OAS2: variants seen among roughly 807,000 people sequenced by gnomAD.
The protein encoded by OAS2 is 2'-5'-oligoadenylate synthetase 2, also known as 2'-5'-oligoadenylate synthase 2.
In OAS2, 67 loss-of-function variants were observed where a neutral mutation model predicts 71.3. The ratio of observed to expected loss-of-function variants is 0.94; its 90% confidence interval spans 0.77 to 1.15. OAS2 has a LOEUF of 1.15. OAS2 is among the 50% of genes most tolerant of loss of function. The probability of loss-of-function intolerance (pLI) is 0.00; values close to 1 mark genes in which losing one functional copy is unlikely to be tolerated. For missense variants in OAS2, 789 were observed against 822.5 expected (o/e 0.96, Z 0.50); for synonymous variants, 327 against 321.8 (o/e 1.02, Z -0.17).
chr12:113,008,981 C>G, intron 9 of OAS2, 106 bp from the exon 10 acceptor site: 2 of 1,511,564 alleles, frequency 1.3e-6, no homozygotes, highest in Non-Finnish European at 1.8e-6. Flanking sequence ...GACATCTAAG[C>G]TGTAAGAACA....
chr12:112,990,850 A>T (rs2044185255), intron 2 of OAS2, among the ~76,000 whole-genome samples: 1 of 152,150 alleles, frequency 6.6e-6, no homozygotes, highest in Admixed American at 6.5e-5. Flanking sequence ...GGAGGAGGGT[A>T]TAATGAGGTG....
Position 113,010,035 on chromosome 12 carries a change from G to A in OAS2, c.*780G>A, listed in dbSNP as rs1300591660. 5 of 975,898 alleles carry A rather than the reference G, an allele frequency of 5.1e-6. No homozygotes were observed. The highest frequency in any genetic ancestry group is 1.0e-4 in the East Asian group (1 of 9,684). 60.5% of individuals were successfully genotyped at this position (975,898 alleles called of 1,614,324 possible). On this transcript the variant is annotated 3_prime_UTR_variant, in exon 10 of 10. Coordinates refer to ENST00000392583, the MANE Select transcript of OAS2 (RefSeq NM_002535.3). Reference sequence around the variant, plus strand: ...GCTCTCTTGTGCATTGTAGGATGTTGAGCAGCATCTCTGGCCTGTACCCAG... The same window carrying A: ...GCTCTCTTGTGCATTGTAGGATGTTAAGCAGCATCTCTGGCCTGTACCCAG...
intron 6 of OAS2, among the ~76,000 whole-genome samples, chr12:113,003,535 G>A (rs1403901416): frequency 6.6e-6 from 1 of 152,056 alleles, no homozygotes; most frequent in East Asian, 1.9e-4. Context: ...TTCCAAATAA[G>A]GGCACATCCA....
intron 2 of OAS2, 89 bp downstream of exon 2, chr12:112,987,397 T>A: frequency 6.5e-7 from 1 of 1,543,556 alleles, no homozygotes; most frequent in Non-Finnish European, 8.7e-7. Flanking sequence ...GTGGGATAGA[T>A]ACCACTGCTG....
intron 1 of OAS2, among the ~76,000 whole-genome samples, chr12:112,984,759 T>C (rs1348490393): frequency 2.0e-5 from 3 of 152,232 alleles, no homozygotes; most frequent in African/African-American, 7.2e-5. Context: ...TTTTATACTT[T>C]TGTGTGTTTT....
intron 9 of OAS2, among the ~76,000 whole-genome samples, 182 bp downstream of exon 9, chr12:113,008,125 T>C (rs774945143): frequency 1.7e-4 from 26 of 152,046 alleles, no homozygotes; most frequent in Non-Finnish European, 2.9e-4. Context: ...GAAAATGCTG[T>C]TCAGAAAAAA....
intron 4 of OAS2, 25 bp from the exon 5 acceptor site, chr12:112,998,241 T>G (rs1242676357): frequency 1.2e-6 from 2 of 1,603,754 alleles, no homozygotes; most frequent in East Asian, 2.3e-5. Context: ...TCAACTGACT[T>G]TTTTTAATCT....
chr12:113,009,988 C>A lies in OAS2; in HGVS notation c.*733C>A. 1 of 980,250 alleles carries A rather than the reference C, an allele frequency of 1.0e-6. No individual in the cohort carries two copies. Among genetic ancestry groups the A allele is most frequent in the Non-Finnish European group, 1.2e-6 (1 of 824,088 alleles). 60.7% of individuals were successfully genotyped at this position (980,250 alleles called of 1,614,324 possible). The stretch of plus-strand genomic sequence containing the variant: ...CTTTGATACTTACTCACATTTGGGG[C>A]TAGACAGTTCTTTGTTTGGAGGCTC... On this transcript the variant is annotated 3_prime_UTR_variant, in exon 10 of 10. Transcript: ENST00000392583.
At chr12:112,999,126 T>C (rs1169273210) in intron 5 of OAS2, among the ~76,000 whole-genome samples, 1 of 152,210 alleles carries the variant, frequency 6.6e-6, no homozygotes, top group East Asian at 1.9e-4. Flanking sequence ...GGCCTGTGGA[T>C]GCCAGGACAG....
intron 3 of OAS2, 78 bp downstream of exon 3, chr12:112,995,552 C>T: frequency 7.4e-7 from 1 of 1,348,928 alleles, no homozygotes; most frequent in South Asian, 1.3e-5. Context: ...TAAAGTGCAA[C>T]AATCTTAGGT....
chr12:112,988,010 G>T, intron 2 of OAS2: 1 of 985,406 alleles, frequency 1.0e-6, no homozygotes, highest in Non-Finnish European at 1.2e-6. Context: ...AAAGCAAGTA[G>T]CTAGGCACTC....
intron 2 of OAS2, chr12:112,987,776 G>C: frequency 1.0e-6 from 1 of 995,024 alleles, no homozygotes; most frequent in Non-Finnish European, 1.2e-6. Flanking sequence ...GCAAGCATTT[G>C]AAGTCTGCCT....
intron 3 of OAS2, 61 bp downstream of exon 3, chr12:112,995,535 C>T: frequency 1.5e-5 from 22 of 1,484,292 alleles, no homozygotes; most frequent in Non-Finnish European, 1.9e-5. Flanking sequence ...AGATAATTGA[C>T]ATCCAGTAAA....
intron 5 of OAS2, among the ~76,000 whole-genome samples, chr12:113,001,351 AATATAT>A (rs544839750): frequency 2.1e-5 from 3 of 141,534 alleles, no homozygotes; most frequent in African/African-American, 8.2e-5. Flanking sequence ...CCAACCAAAA[AATATAT>A]ATATACATAT....
At chr12:112,992,722 T>C (rs903582861) in intron 2 of OAS2, among the ~76,000 whole-genome samples, 3 of 152,166 alleles carry the variant, frequency 2.0e-5, no homozygotes, top group African/African-American at 7.2e-5. Context: ...TTCTGAGTTC[T>C]TATCCTGGTC....
At chr12:113,006,281 A>C in intron 7 of OAS2, 132 bp from the exon 8 acceptor site, 1 of 692,856 alleles carries the variant, frequency 1.4e-6, no homozygotes, top group African/African-American at 1.8e-5. Context: ...TGTCTTAGAC[A>C]TCAGTCTTTT....
At chr12:112,999,201 C>G (rs1392419502) in intron 5 of OAS2, among the ~76,000 whole-genome samples, 2 of 152,164 alleles carry the variant, frequency 1.3e-5, no homozygotes, top group African/African-American at 4.8e-5. Flanking sequence ...AACAAGAGAA[C>G]CAATTAAGGC....
At chr12:112,982,263 A>C (rs2044090526) in intron 1 of OAS2, among the ~76,000 whole-genome samples, 1 of 152,074 alleles carries the variant, frequency 6.6e-6, no homozygotes, top group Admixed American at 6.5e-5. Context: ...TCCAGGATAC[A>C]GGCTGAAAGC....
intron 1 of OAS2, among the ~76,000 whole-genome samples, chr12:112,982,846 C>G (rs1022249846): frequency 2.6e-5 from 4 of 152,166 alleles, no homozygotes; most frequent in African/African-American, 9.7e-5. Context: ...CTGATTCAAT[C>G]TACTCACTCA....
Sources: gnomAD v4.1 joint callset for allele counts (sites outside exome capture counted in the v4.1 genomes callset) on GRCh38, gnomAD v4.1.1 for gene constraint, MANE v1.5 for transcripts, NCBI Gene and HGNC (gene_info 2026-07-23, HGNC 2026-07-21) for gene names.